Variants in ARG2 observed in about 807,000 individuals in gnomAD.
ARG2 encodes arginase-2, mitochondrial.
A neutral mutation model predicts 39.4 loss-of-function variants in ARG2; 21 were observed. The observed-to-expected ratio is 0.53, with a 90% CI of 0.38 to 0.77. The LOEUF is 0.77. Ranked by LOEUF, ARG2 falls within the 30% of genes least tolerant of loss-of-function variation. ARG2 has a pLI of 0.00. For missense variants in ARG2, 378 were observed against 426.2 expected (o/e 0.89, Z 1.00); for synonymous variants, 150 against 156.7 (o/e 0.96, Z 0.32).
chr14:67,644,930 G>A (rs559230356), intron 3 of ARG2, among the ~76,000 whole-genome samples: 11 of 151,674 alleles, frequency 7.3e-5, no homozygotes, highest in Admixed American at 6.6e-4. Context: ...CCCAGGAGGC[G>A]GACGTTGTAG....
At chr14:67,647,796 C>A in intron 6 of ARG2, 1 of 468,242 alleles carries the variant, frequency 2.1e-6, no homozygotes, top group East Asian at 3.6e-5. Flanking sequence ...CAGAAATATA[C>A]ATTGGAGTTA....
chr14:67,641,122 T>C (rs2037025651), intron 2 of ARG2, among the ~76,000 whole-genome samples: 1 of 152,202 alleles, frequency 6.6e-6, no homozygotes, highest in Non-Finnish European at 1.5e-5. Context: ...GTGGCTGTGA[T>C]AGTGACACCT....
At chr14:67,627,698 G>A (rs2036882622) in intron 2 of ARG2, among the ~76,000 whole-genome samples, 1 of 152,160 alleles carries the variant, frequency 6.6e-6, no homozygotes, top group Admixed American at 6.5e-5. Context: ...ACTTAGGGAG[G>A]CCAAGGTGGG....
intron 1 of ARG2, 110 bp from the exon 2 acceptor site, chr14:67,620,784 C>G (rs1441946655): frequency 1.0e-6 from 1 of 996,200 alleles, no homozygotes; most frequent in Admixed American, 1.9e-5. Flanking sequence ...GATGGAAGGG[C>G]TGATGCTGTC....
chr14:67,638,384 A>C (rs913475894), intron 2 of ARG2, among the ~76,000 whole-genome samples: 12 of 152,130 alleles, frequency 7.9e-5, no homozygotes, highest in African/African-American at 2.4e-4. Flanking sequence ...AAAAAAGAAA[A>C]AAAATGATTA....
At chr14:67,633,932 C>T (rs1594824872) in intron 2 of ARG2, among the ~76,000 whole-genome samples, 1 of 152,144 alleles carries the variant, frequency 6.6e-6, no homozygotes. Flanking sequence ...TCTCTGTTCC[C>T]GCCACACCCT....
chr14:67,631,519 T>G (rs1055550577), intron 2 of ARG2, among the ~76,000 whole-genome samples: 20 of 141,592 alleles, frequency 1.4e-4, no homozygotes, highest in Middle Eastern at 3.7e-3. Flanking sequence ...CACTACAGCC[T>G]CCACCTCCCA....
intron 2 of ARG2, among the ~76,000 whole-genome samples, chr14:67,621,585 A>G (rs1446584199): frequency 6.6e-6 from 1 of 151,690 alleles, no homozygotes; most frequent in Non-Finnish European, 1.5e-5. Flanking sequence ...AGCTGGAATT[A>G]CAGGTGCGTG....
intron 2 of ARG2, among the ~76,000 whole-genome samples, chr14:67,640,630 C>T (rs566092397): frequency 3.2e-4 from 48 of 152,300 alleles, no homozygotes; most frequent in African/African-American, 1.1e-3. Context: ...AGATACGCCA[C>T]GTCTTATCTT....
intron 3 of ARG2, among the ~76,000 whole-genome samples, chr14:67,644,859 A>C (rs925092695): frequency 6.6e-6 from 1 of 152,098 alleles, no homozygotes; most frequent in Non-Finnish European, 1.5e-5. Context: ...TTAGCCAGGC[A>C]TGGTGGCATG....
Position 67,651,537 on chromosome 14 carries a change from A to T in ARG2, c.*617A>T, listed in dbSNP as rs1024719067. ...AGAAGTTTGGATAACCTTCCTTCTA[A>T]ACATTTTGGGGTTAGACCTGGGACC... On this transcript the variant is annotated 3_prime_UTR_variant, in exon 8 of 8. Coordinates refer to ENST00000261783, the MANE Select transcript of ARG2 (RefSeq NM_001172.4). 11 of 1,594,044 alleles carry T rather than the reference A, an allele frequency of 6.9e-6. No individual in the cohort carries two copies. Among genetic ancestry groups the T allele is most frequent in the African/African-American group, 2.7e-5 (2 of 74,368 alleles).
At chr14:67,640,913 A>G (rs776055113) in intron 2 of ARG2, among the ~76,000 whole-genome samples, 3 of 152,160 alleles carry the variant, frequency 2.0e-5, no homozygotes, top group Non-Finnish European at 4.4e-5. Flanking sequence ...CCAAAATCGG[A>G]AATGTTCCAA....
intron 2 of ARG2, among the ~76,000 whole-genome samples, chr14:67,636,652 T>A (rs903928468): frequency 6.6e-6 from 1 of 152,248 alleles, no homozygotes; most frequent in Non-Finnish European, 1.5e-5. Flanking sequence ...TGTTCCACTC[T>A]GATAGAGCCT....
At position 67,648,345 on chromosome 14, in the gene ARG2, A is replaced by AT. The variant is rs1314657211; in HGVS notation, c.859+163dup. On this transcript the variant is annotated intron_variant, in intron 7 of 7. Coordinates refer to ENST00000261783, the MANE Select transcript of ARG2 (RefSeq NM_001172.4). ...ATATGGCCATGCTAATAAAAAGGAT[A>AT]TAGTCCTTTAGAGTCATGCTTGGAC... The AT allele has an allele frequency of 1.2e-5, 9 of 738,654 alleles. No homozygotes were observed. The African/African-American group carries it at 1.6e-4, about 13-fold the overall frequency. 45.8% of individuals were successfully genotyped at this position (738,654 alleles called of 1,614,324 possible).
chr14:67,651,204 G>T lies in ARG2; in HGVS notation c.*284G>T. The T allele has an allele frequency of 8.2e-7, 1 of 1,220,738 alleles. No individual in the cohort carries two copies. The highest frequency in any genetic ancestry group is 1.1e-6 in the Non-Finnish European group (1 of 897,438). 75.6% of individuals were successfully genotyped at this position (1,220,738 alleles called of 1,614,324 possible). ...CTTGGTATATCATACTGGTCTTGTT[G>T]CTGTTGTTCCTTCACATTTAAGTGG... On this transcript the variant is annotated 3_prime_UTR_variant, in exon 8 of 8. Transcript: ENST00000261783.
intron 1 of ARG2, 34 bp from the exon 2 acceptor site, chr14:67,620,860 C>A: frequency 6.2e-7 from 1 of 1,612,616 alleles, no homozygotes; most frequent in Non-Finnish European, 8.5e-7. Context: ...GACACCTTCT[C>A]TACCTCTAAT....
intron 2 of ARG2, among the ~76,000 whole-genome samples, chr14:67,631,378 C>T (rs1169482157): frequency 2.0e-5 from 3 of 151,650 alleles, no homozygotes; most frequent in Admixed American, 6.6e-5. Flanking sequence ...GAAACCAACA[C>T]TATTCTCTCT....
rs761681696 is a variant in ARG2 at position 67,620,902 on chromosome 14, AG to A, written c.122del (p.Gly41GlufsTer9). On this transcript the variant is annotated frameshift_variant, in exon 2 of 8. Coordinates refer to ENST00000261783, the MANE Select transcript of ARG2 (RefSeq NM_001172.4). LOFTEE classifies it high-confidence loss of function. ...APFSQGQKRK[G>X]VEHGPAAIRE... ...ATTTGTGTGACTGACAGAAAAGAAA[AG>A]GAGTGGAGCATGGTCCCGCTGCCAT... The A allele has an allele frequency of 6.2e-7, 1 of 1,614,138 alleles. No individual in the cohort carries two copies. Among genetic ancestry groups the A allele is most frequent in the Non-Finnish European group, 8.5e-7 (1 of 1,179,982 alleles).
chr14:67,631,764 T>C (rs572599391), intron 2 of ARG2, among the ~76,000 whole-genome samples: 1 of 152,276 alleles, frequency 6.6e-6, no homozygotes, highest in South Asian at 2.1e-4. Flanking sequence ...TTCTTACATG[T>C]CAGTGTTCTC....
Sources: allele counts gnomAD v4.1 joint callset (sites outside exome capture counted in the v4.1 genomes callset), GRCh38; gene constraint gnomAD v4.1.1; transcripts MANE v1.5; gene names NCBI Gene and HGNC (gene_info 2026-07-23, HGNC 2026-07-21).